The following AGBL1 variants were observed in gnomAD, a reference collection of about 807,000 sequenced individuals.
The protein encoded by AGBL1 is cytosolic carboxypeptidase 4.
A neutral mutation model predicts 118.9 loss-of-function variants in AGBL1; 130 were observed. The observed-to-expected ratio is 1.09, with a 90% CI of 0.95 to 1.26. AGBL1 has a LOEUF of 1.26. Among genes scored for constraint, AGBL1 ranks in the 50% most tolerant of loss-of-function variants. The pLI, the probability that AGBL1 is intolerant of heterozygous loss-of-function variation, is 0.00. For missense variants in AGBL1, 1,584 were observed against 1,298.1 expected (o/e 1.22, Z -3.38); for synonymous variants, 555 against 478.9 (o/e 1.16, Z -2.08).
intron 21 of AGBL1, among the ~76,000 whole-genome samples, chr15:86,671,719 C>T (rs986227445): frequency 6.6e-6 from 1 of 152,142 alleles, no homozygotes; most frequent in Non-Finnish European, 1.5e-5. Context: ...TAAAGGCACT[C>T]ACATACCCAA....
chr15:86,846,398 A>T (rs2093922677), intron 22 of AGBL1, among the ~76,000 whole-genome samples: 1 of 152,244 alleles, frequency 6.6e-6, no homozygotes, highest in African/African-American at 2.4e-5. Context: ...TTTTATCTGT[A>T]CATAAGGAGA....
chr15:86,940,060 CTTTTT>C (rs5814267), intron 23 of AGBL1, among the ~76,000 whole-genome samples: 3 of 59,418 alleles, frequency 5.0e-5, no homozygotes, highest in Non-Finnish European at 9.2e-5. Flanking sequence ...TTTGGTAGTC[CTTTTT>C]TTTTTTTTTT....
intron 23 of AGBL1, among the ~76,000 whole-genome samples, chr15:86,943,655 T>C (rs902232701): frequency 6.6e-6 from 1 of 152,180 alleles, no homozygotes; most frequent in Admixed American, 6.5e-5. Flanking sequence ...TTACTGCACA[T>C]GTGGTGATGA....
chr15:86,171,768 T>C (rs957959484), intron 5 of AGBL1, among the ~76,000 whole-genome samples: 14 of 152,074 alleles, frequency 9.2e-5, no homozygotes, highest in Non-Finnish European at 1.8e-4. Context: ...CAATTCACAA[T>C]TGCAAGAATA....
At chr15:86,896,029 G>A (rs756835785) in intron 22 of AGBL1, among the ~76,000 whole-genome samples, 1 of 151,680 alleles carries the variant, frequency 6.6e-6, no homozygotes, top group Non-Finnish European at 1.5e-5. Flanking sequence ...TCTTATCTTT[G>A]CTGAACTGTG....
intron 22 of AGBL1, among the ~76,000 whole-genome samples, chr15:86,754,174 T>C (rs892098704): frequency 6.6e-6 from 1 of 152,118 alleles, no homozygotes; most frequent in African/African-American, 2.4e-5. Context: ...TATTTTAAAA[T>C]TATCAACAAA....
intron 17 of AGBL1, among the ~76,000 whole-genome samples, chr15:86,352,287 A>C (rs2080639917): frequency 6.6e-6 from 1 of 152,214 alleles, no homozygotes; most frequent in South Asian, 2.1e-4. Flanking sequence ...GAAGACAGGA[A>C]AGATACAGTT....
At chr15:86,477,580 G>A (rs996760327) in intron 18 of AGBL1, among the ~76,000 whole-genome samples, 1 of 152,138 alleles carries the variant, frequency 6.6e-6, no homozygotes, top group Non-Finnish European at 1.5e-5. Context: ...TGAAATTGAG[G>A]CAATAATTAA....
chr15:86,619,397 T>A (rs2084774320), intron 21 of AGBL1, among the ~76,000 whole-genome samples: 1 of 152,186 alleles, frequency 6.6e-6, no homozygotes, highest in Non-Finnish European at 1.5e-5. Flanking sequence ...TTTCTCTCTT[T>A]TAATGTCCTA....
intron 1 of AGBL1, among the ~76,000 whole-genome samples, chr15:86,106,637 G>T (rs1281070137): frequency 2.6e-5 from 4 of 152,182 alleles, no homozygotes; most frequent in African/African-American, 9.7e-5. Flanking sequence ...TTCATCCCCA[G>T]TCCAAAATGT....
intron 21 of AGBL1, among the ~76,000 whole-genome samples, chr15:86,665,958 C>G (rs149174241): frequency 6.6e-6 from 1 of 152,000 alleles, no homozygotes; most frequent in Non-Finnish European, 1.5e-5. Flanking sequence ...ATATCAATAC[C>G]GAAACATTTC....
At chr15:86,383,460 G>A (rs917268450) in intron 17 of AGBL1, among the ~76,000 whole-genome samples, 49 of 151,678 alleles carry the variant, frequency 3.2e-4, no homozygotes, top group Non-Finnish European at 6.5e-4. Context: ...TGGTGGCGGC[G>A]CCTGTAATCC....
At chr15:86,586,720 G>A (rs2084254088) in intron 21 of AGBL1, among the ~76,000 whole-genome samples, 1 of 152,112 alleles carries the variant, frequency 6.6e-6, no homozygotes, top group Non-Finnish European at 1.5e-5. Context: ...ACAATAGTTT[G>A]GTCTGAAAAG....
intron 18 of AGBL1, among the ~76,000 whole-genome samples, chr15:86,501,418 A>T (rs1016736041): frequency 6.6e-6 from 1 of 151,514 alleles, no homozygotes; most frequent in Non-Finnish European, 1.5e-5. Context: ...CACTTTCTTG[A>T]TAGTGTCCTG....
chr15:86,606,081 G>A (rs904915807), intron 21 of AGBL1, among the ~76,000 whole-genome samples: 2 of 136,936 alleles, frequency 1.5e-5, no homozygotes, highest in Non-Finnish European at 3.1e-5. Context: ...GAGCCAAGAT[G>A]GTGCCACTGC....
intron 22 of AGBL1, among the ~76,000 whole-genome samples, chr15:86,710,159 G>T (rs1192696896): frequency 8.7e-6 from 1 of 114,710 alleles, no homozygotes; most frequent in Non-Finnish European, 1.8e-5. Context: ...TACAGGAAGA[G>T]GCTGATTTGC....
At chr15:86,720,465 AC>A (rs1471561904) in intron 22 of AGBL1, among the ~76,000 whole-genome samples, 1 of 152,218 alleles carries the variant, frequency 6.6e-6, no homozygotes, top group East Asian at 1.9e-4. Context: ...CCTTCTTCTT[AC>A]CATAGAACAT....
intron 23 of AGBL1, among the ~76,000 whole-genome samples, chr15:86,922,060 T>G (rs186572330): frequency 1.2e-4 from 19 of 152,318 alleles, no homozygotes; most frequent in Admixed American, 1.0e-3. Flanking sequence ...TTGATTGGGT[T>G]GCATTATTTT....
chr15:86,905,961 G>C (rs2080275280), intron 22 of AGBL1, among the ~76,000 whole-genome samples: 1 of 152,190 alleles, frequency 6.6e-6, no homozygotes, highest in Admixed American at 6.5e-5. Context: ...TGTCCCACCA[G>C]ACCTTCAGTT....
Sources: gnomAD v4.1 joint callset for allele counts (sites outside exome capture counted in the v4.1 genomes callset) on GRCh38, gnomAD v4.1.1 for gene constraint, MANE v1.5 for transcripts, NCBI Gene and HGNC (gene_info 2026-07-23, HGNC 2026-07-21) for gene names.